The following POLR1D variants were observed in gnomAD, a reference collection of about 807,000 sequenced individuals.
POLR1D encodes the protein DNA-directed RNA polymerases I and III subunit RPAC2.
POLR1D carries 8 observed loss-of-function variants against 10.8 expected under a neutral mutation model. That is an observed-to-expected ratio of 0.74 (90% CI 0.43 to 1.33). POLR1D has a LOEUF of 1.33. POLR1D is among the 40% of genes most tolerant of loss of function. POLR1D has a pLI of 0.01. For missense variants in POLR1D, 152 were observed against 161.7 expected (o/e 0.94, Z 0.32); for synonymous variants, 54 against 57.2 (o/e 0.94, Z 0.25).
intron 1 of POLR1D, among the ~76,000 whole-genome samples, chr13:27,634,058 G>C (rs1358306244): frequency 1.3e-5 from 2 of 152,124 alleles, no homozygotes; most frequent in Non-Finnish European, 2.9e-5. Flanking sequence ...TGATTCTACA[G>C]TTTTATTTCT....
intron 1 of POLR1D, chr13:27,648,212 C>CT (rs1408195032): frequency 1.9e-5 from 10 of 534,010 alleles, no homozygotes; most frequent in African/African-American, 5.8e-5. Flanking sequence ...TTAATAGTTT[C>CT]TTTTTAATTT....
Position 27,621,912 on chromosome 13 carries a change from C to A in POLR1D, c.-72C>A. 6.6e-7 allele frequency: 1 copy of A among 1,510,436 alleles called. No individual in the cohort carries two copies. Among genetic ancestry groups the A allele is most frequent in the Non-Finnish European group, 9.0e-7 (1 of 1,106,018 alleles). 93.6% of individuals were successfully genotyped at this position (1,510,436 alleles called of 1,614,324 possible). A position where few individuals can be genotyped will look rare whatever the true frequency, so the allele number is the denominator to read the frequency against. ...TCGGTCCTTGCTTCCTGCTTCGCCT[C>A]CGCGCCTCGCGCTATGGGACAGAGC... On this transcript the variant is annotated 5_prime_UTR_variant, in exon 1 of 2. Coordinates refer to ENST00000302979, the MANE Select transcript of POLR1D (RefSeq NM_015972.4).
At chr13:27,666,642 A>T (rs1461039400) in exon 3 of POLR1D, 1 of 152,210 alleles carries the variant, frequency 6.6e-6, no homozygotes, top group Non-Finnish European at 1.5e-5. Context: ...GTGCTTTAAA[A>T]AGAACCCTCA....
At chr13:27,659,967 CAT>C (rs781514442) in intron 2 of POLR1D, among the ~76,000 whole-genome samples, 32 of 151,610 alleles carry the variant, frequency 2.1e-4, no homozygotes, top group Non-Finnish European at 3.4e-4. Flanking sequence ...CAGACAAACA[CAT>C]GTCAATGATT....
chr13:27,622,539 CTT>C (rs1955955938), intron 1 of POLR1D: 1 of 332,910 alleles, frequency 3.0e-6, no homozygotes, highest in Non-Finnish European at 5.6e-6. Flanking sequence ...TCAACCCTCT[CTT>C]CATCCTCTAG....
chr13:27,624,739 G>T (rs1009977046), downstream of POLR1D, among the ~76,000 whole-genome samples: 1 of 151,958 alleles, frequency 6.6e-6, no homozygotes, highest in Non-Finnish European at 1.5e-5. Flanking sequence ...AATAAAAAAG[G>T]TAGCCAGGCA....
intron 1 of POLR1D, among the ~76,000 whole-genome samples, chr13:27,644,331 T>C (rs1369692385): frequency 6.6e-6 from 1 of 152,210 alleles, no homozygotes; most frequent in Non-Finnish European, 1.5e-5. Flanking sequence ...CAGACCCAGA[T>C]AACTCAAAAC....
intron 1 of POLR1D, among the ~76,000 whole-genome samples, chr13:27,644,788 A>G (rs975149848): frequency 6.6e-6 from 1 of 152,138 alleles, no homozygotes; most frequent in Non-Finnish European, 1.5e-5. Context: ...CTTTTCCTGT[A>G]TTTTAATTAC....
intron 2 of POLR1D, among the ~76,000 whole-genome samples, chr13:27,651,700 C>T (rs1430620392): frequency 6.6e-6 from 1 of 151,982 alleles, no homozygotes; most frequent in African/African-American, 2.4e-5. Flanking sequence ...CCCACATAAA[C>T]AAAAGCTCTT....
downstream of POLR1D, among the ~76,000 whole-genome samples, chr13:27,623,658 G>GATT (rs1955977031): frequency 1.5e-5 from 1 of 64,652 alleles, no homozygotes; most frequent in Non-Finnish European, 3.8e-5. Context: ...ACCCCAGTTA[G>GATT]ATTGTTGTTT....
intron 1 of POLR1D, among the ~76,000 whole-genome samples, chr13:27,637,078 C>T (rs1371035827): frequency 1.3e-5 from 2 of 151,956 alleles, no homozygotes; most frequent in African/African-American, 4.8e-5. Context: ...GTGTGGTTTG[C>T]TGGGTTTTGG....
At chr13:27,664,283 G>A (rs1011908926) in intron 2 of POLR1D, among the ~76,000 whole-genome samples, 9 of 152,264 alleles carry the variant, frequency 5.9e-5, no homozygotes, top group South Asian at 4.1e-4. Flanking sequence ...TCTATAGTTC[G>A]TACTTGCAGA....
intron 2 of POLR1D, among the ~76,000 whole-genome samples, chr13:27,654,335 T>A (rs79822448): frequency 7.9e-4 from 120 of 152,354 alleles, no homozygotes; most frequent in Middle Eastern, 3.4e-3. Context: ...CTGGAAAATA[T>A]TGGTTCACTG....
At chr13:27,624,744 C>T (rs1566141639), downstream of POLR1D, among the ~76,000 whole-genome samples, 1 of 151,968 alleles carries the variant, frequency 6.6e-6, no homozygotes, top group Non-Finnish European at 1.5e-5. Context: ...AAAAGGTAGC[C>T]AGGCATGGTG....
intron 1 of POLR1D, among the ~76,000 whole-genome samples, chr13:27,644,625 T>C (rs1196885759): frequency 6.6e-6 from 1 of 152,222 alleles, no homozygotes; most frequent in Non-Finnish European, 1.5e-5. Flanking sequence ...CTTAGTATTC[T>C]AATATAATTA....
intron 2 of POLR1D, among the ~76,000 whole-genome samples, chr13:27,649,104 G>A (rs1398860175): frequency 6.6e-6 from 1 of 152,142 alleles, no homozygotes; most frequent in Admixed American, 6.6e-5. Flanking sequence ...CTACTTTAGT[G>A]ATGCCATTTG....
At chr13:27,622,101 T>C in intron 1 of POLR1D, 92 bp downstream of exon 1, 2 of 1,067,640 alleles carry the variant, frequency 1.9e-6, no homozygotes, top group Non-Finnish European at 2.8e-6. Flanking sequence ...AGCCGGGGCC[T>C]GACTCGGGGC....
intron 1 of POLR1D, among the ~76,000 whole-genome samples, chr13:27,630,016 A>T (rs985014911): frequency 2.0e-5 from 3 of 151,972 alleles, no homozygotes; most frequent in Non-Finnish European, 4.4e-5. Context: ...GGTTCAAGAG[A>T]TTCTTCTGCC....
At chr13:27,637,408 G>A (rs57210980) in intron 1 of POLR1D, among the ~76,000 whole-genome samples, 12,087 of 152,250 alleles carry the variant, frequency 0.079, 634 homozygotes, top group Non-Finnish European at 0.11. Context: ...AGCTAAGAAG[G>A]AAGCATCTCT....
Sources: gnomAD v4.1 joint callset for allele counts (sites outside exome capture counted in the v4.1 genomes callset) on GRCh38, gnomAD v4.1.1 for gene constraint, MANE v1.5 for transcripts, NCBI Gene and HGNC (gene_info 2026-07-23, HGNC 2026-07-21) for gene names.